ERICH6: variants seen among roughly 807,000 people sequenced by gnomAD.
ERICH6 encodes the protein glutamate-rich protein 6.
A neutral mutation model predicts 71.0 loss-of-function variants in ERICH6; 71 were observed. That is an observed-to-expected ratio of 1.00 (90% CI 0.83 to 1.22). The LOEUF (loss-of-function observed/expected upper bound fraction) is 1.22, where lower values mean the gene tolerates loss of function less well. Among genes scored for constraint, ERICH6 ranks in the 50% most tolerant of loss-of-function variants. The probability of loss-of-function intolerance (pLI) is 0.00; values close to 1 mark genes in which losing one functional copy is unlikely to be tolerated. For missense variants in ERICH6, 808 were observed against 797.2 expected, an observed-to-expected ratio of 1.01 and a Z score of -0.16; for synonymous variants, 262 against 278.4, an observed-to-expected ratio of 0.94 and a Z score of 0.59.
chr3:150,689,747 C>T (rs1208137935), intron 3 of ERICH6, among the ~76,000 whole-genome samples: 3 of 151,892 alleles, frequency 2.0e-5, no homozygotes, highest in African/African-American at 7.3e-5. Context: ...TCTCTTGTAC[C>T]CTCTGCTGCA....
intron 12 of ERICH6, among the ~76,000 whole-genome samples, chr3:150,667,655 C>G (rs1727474293): frequency 6.6e-6 from 1 of 152,162 alleles, no homozygotes; most frequent in African/African-American, 2.4e-5. Flanking sequence ...TCACGTTTAG[C>G]CCCTCACCAT....
chr3:150,669,896 A>G lies in ERICH6; in HGVS notation c.1344-445T>C, dbSNP rs565391979. Among the ~76,000 whole-genome samples the G allele has an allele frequency of 9.2e-5, 14 of 152,332 alleles. No individual in the cohort carries two copies. The South Asian group carries it at 2.9e-3, about 32-fold the overall frequency. On this transcript the variant is annotated intron_variant, in intron 11 of 13. Coordinates refer to ENST00000295910, the MANE Select transcript of ERICH6 (RefSeq NM_152394.5). ...CCTCAACCTGATAAAGAGTATCTAC[A>G]AAAAGCCCACAGCTGGGCTGGGCAT...
chr3:150,669,044 T>C (rs1423076289), intron 12 of ERICH6, among the ~76,000 whole-genome samples: 1 of 152,206 alleles, frequency 6.6e-6, no homozygotes, highest in Non-Finnish European at 1.5e-5. Context: ...GTTGTAATTA[T>C]ATAGTTCATA....
chr3:150,680,290 ACTT>A (rs1292247133), intron 9 of ERICH6, among the ~76,000 whole-genome samples, 175 bp downstream of exon 9: 2 of 152,266 alleles, frequency 1.3e-5, no homozygotes, highest in East Asian at 3.9e-4. Context: ...CTGGTCTCAA[ACTT>A]CTGGGCTCAA....
At chr3:150,665,729 AG>A (rs1445968497) in intron 13 of ERICH6, among the ~76,000 whole-genome samples, 7 of 147,972 alleles carry the variant, frequency 4.7e-5, no homozygotes, top group African/African-American at 1.5e-4. Flanking sequence ...CAGGACGGTG[AG>A]GCAGGAAGAA....
In ERICH6 at chr3:150,686,348, T is replaced by A. The variant is rs1306760910; in HGVS notation, c.560A>T (p.Lys187Ile). Residue 187 changes from lysine to isoleucine, a missense_variant, in exon 4 of 14, where the codon AAA becomes ATA. Physicochemically the swap from Lys to Ile is moderately radical, Grantham distance 102. Around this residue, in one of 3 missense-constraint regions of ERICH6, gnomAD observed 736 missense variants for 712.2 expected, o/e 1.03. Transcript: ENST00000295910. ...AGGTTCAGCTTTCTCTTTAGAGGCT[T>A]TCTTCCCTGTGAAAACAGGGTACAT... ...DLSDKVQSRK[K>I]ASKEKAEPEC... The A allele has an allele frequency of 6.2e-7, 1 of 1,614,178 alleles. No individual in the cohort carries two copies. The highest frequency in any genetic ancestry group is 8.5e-7 in the Non-Finnish European group (1 of 1,180,006).
At position 150,681,807 on chromosome 3, in the gene ERICH6, C is replaced by CTTTTTT. The variant is rs34909258; in HGVS notation, c.882+405_882+410dup. On this transcript the variant is annotated intron_variant, in intron 7 of 13. Transcript: ENST00000295910. Reference sequence around the variant, plus strand: ...TTTCCCTGACAGCTAACACATAACTCTTTTTTTTTTTTTTTTTTTTTTTTG... The same window carrying CTTTTTT: ...TTTCCCTGACAGCTAACACATAACTCTTTTTTTTTTTTTTTTTTTTTTTTTTTTTTG... Among the ~76,000 whole-genome samples the CTTTTTT allele has an allele frequency of 1.7e-3, 118 of 70,280 alleles. 8 individuals carry two copies. The highest frequency in any genetic ancestry group is 2.4e-3 in the African/African-American group (42 of 17,388). 46.1% of individuals were successfully genotyped at this position (70,280 alleles called of 152,430 possible).
At chr3:150,681,540 C>T (rs915547757) in intron 7 of ERICH6, among the ~76,000 whole-genome samples, 1 of 152,124 alleles carries the variant, frequency 6.6e-6, no homozygotes, top group Non-Finnish European at 1.5e-5. Context: ...ACATATGTTG[C>T]CATTTTCTTG....
At chr3:150,689,924 C>A (rs1456403053) in intron 3 of ERICH6, among the ~76,000 whole-genome samples, 1 of 152,160 alleles carries the variant, frequency 6.6e-6, no homozygotes, top group Non-Finnish European at 1.5e-5. Flanking sequence ...TATTGTGTTA[C>A]CTGATTTATT....
chr3:150,669,675 G>A (rs560558245), intron 11 of ERICH6, among the ~76,000 whole-genome samples: 4 of 152,234 alleles, frequency 2.6e-5, no homozygotes, highest in East Asian at 1.9e-4. Flanking sequence ...ATATAAAAAG[G>A]ATTACGCACC....
rs956464359 is a variant in ERICH6 at position 150,670,717 on chromosome 3, C to T, written c.1344-1266G>A. On this transcript the variant is annotated intron_variant, in intron 11 of 13. Coordinates refer to ENST00000295910, the MANE Select transcript of ERICH6 (RefSeq NM_152394.5). ...CAAAAATAAATTGTATTTCTATACA[C>T]TAACAGTAGACATTCTAAAAATGAG... Among the ~76,000 whole-genome samples, 3 of 152,080 alleles carry T rather than the reference C, an allele frequency of 2.0e-5. No individual in the cohort carries two copies. The South Asian group carries it at 6.2e-4, about 31-fold the overall frequency.
chr3:150,683,909 C>A (rs1252046095), intron 6 of ERICH6, among the ~76,000 whole-genome samples: 2 of 152,208 alleles, frequency 1.3e-5, no homozygotes, highest in Non-Finnish European at 2.9e-5. Context: ...GAAAGACCTG[C>A]TGAGGAGCAG....
In ERICH6 at chr3:150,701,383, T is replaced by TAA. The variant is rs10632960; in HGVS notation, c.461+737_461+738insTT. Among the ~76,000 whole-genome samples the TAA allele has an allele frequency of 2.1e-4, 32 of 151,976 alleles. No individual in the cohort carries two copies. The East Asian group carries it at 6.2e-3, about 29-fold the overall frequency. ...GAAATGAAAATGTCATTTTAAATAA[T>TAA]GGAAACAAAACTGAAGGTGAGTGGG... is the stretch of plus-strand genomic sequence containing the variant. On this transcript the variant is annotated intron_variant, in intron 2 of 13. Transcript: ENST00000295910.
chr3:150,668,659 A>G (rs1226180436), intron 12 of ERICH6, among the ~76,000 whole-genome samples: 5 of 152,218 alleles, frequency 3.3e-5, no homozygotes, highest in Admixed American at 6.5e-5. Flanking sequence ...TTATACCTGT[A>G]TATAACTTAA....
intron 3 of ERICH6, among the ~76,000 whole-genome samples, chr3:150,691,655 T>G (rs1712437337): frequency 2.0e-5 from 3 of 152,188 alleles, no homozygotes; most frequent in Non-Finnish European, 4.4e-5. Flanking sequence ...TTAAAAAAAC[T>G]TATATAATCA....
At chr3:150,687,305 C>T (rs994663334) in intron 3 of ERICH6, among the ~76,000 whole-genome samples, 11 of 152,184 alleles carry the variant, frequency 7.2e-5, no homozygotes, top group Middle Eastern at 6.3e-3. Context: ...GAATATCATG[C>T]AATTTACGAC....
rs1478519322 is a variant in ERICH6, at chr3:150,678,337, GAA to G, written c.1257+70_1257+71del. 4.2e-6 allele frequency: 6 copies of G among 1,436,416 alleles called. No homozygotes were observed. In the African/African-American group the frequency reaches 8.7e-5, roughly 21 times the overall value. The allele number at this position is 1,436,416 out of a possible 1,614,324, so 89.0% of individuals were successfully genotyped here. ...AATGCATCATGTAGCCAAGCTTCAT[GAA>G]AGACTTTATAATTTTAGGTAAAACT... On this transcript the variant is annotated intron_variant, in intron 10 of 13. Transcript: ENST00000295910.
rs768403614 is a variant in ERICH6 at position 150,671,265 on chromosome 3, C to T, written c.1344-1814G>A. ...CTATTGGGGTTTAAGTAAACACTTACGAAACGATGACCAAAAATGACTTTC... is the reference window on the plus strand; with the variant it reads ...CTATTGGGGTTTAAGTAAACACTTATGAAACGATGACCAAAAATGACTTTC... On this transcript the variant is annotated intron_variant, in intron 11 of 13. Coordinates refer to ENST00000295910, the MANE Select transcript of ERICH6 (RefSeq NM_152394.5). Among the ~76,000 whole-genome samples, 8 of 152,156 alleles carry T rather than the reference C, an allele frequency of 5.3e-5. No individual in the cohort carries two copies. In the East Asian group the frequency reaches 5.8e-4, roughly 11 times the overall value.
intron 10 of ERICH6, among the ~76,000 whole-genome samples, chr3:150,676,704 A>G (rs1711668556): frequency 6.6e-6 from 1 of 151,952 alleles, no homozygotes; most frequent in African/African-American, 2.4e-5. Context: ...GTGCATGATC[A>G]TAGCTCACTG....
Sources: gnomAD v4.1 joint callset for allele counts (sites outside exome capture counted in the v4.1 genomes callset) on GRCh38, gnomAD v4.1.1 for gene constraint, gnomAD v4.1.1 regional missense constraint, MANE v1.5 for transcripts, NCBI Gene and HGNC (gene_info 2026-07-23, HGNC 2026-07-21) for gene names.